GNA14: variants seen among roughly 807,000 people sequenced by gnomAD.
GNA14 encodes guanine nucleotide-binding protein subunit alpha-14.
In GNA14, 50 loss-of-function variants were observed where a neutral mutation model predicts 42.0. The ratio of observed to expected loss-of-function variants is 1.19; its 90% confidence interval spans 0.95 to 1.51. The LOEUF (loss-of-function observed/expected upper bound fraction) is 1.51, where lower values mean the gene tolerates loss of function less well. Among genes scored for constraint, GNA14 ranks in the 40% most tolerant of loss-of-function variants. The probability of loss-of-function intolerance (pLI) is 0.00; values close to 1 mark genes in which losing one functional copy is unlikely to be tolerated. For missense variants in GNA14, 473 were observed against 446.2 expected (o/e 1.06, Z -0.54); for synonymous variants, 173 against 163.1 (o/e 1.06, Z -0.46).
intron 1 of GNA14, among the ~76,000 whole-genome samples, chr9:77,627,232 C>G (rs1824025431): frequency 6.6e-6 from 1 of 152,036 alleles, no homozygotes; most frequent in Admixed American, 6.5e-5. Flanking sequence ...GAAATTGAGG[C>G]AGTAATTAAT....
intron 2 of GNA14, among the ~76,000 whole-genome samples, chr9:77,494,092 T>C (rs1217729777): frequency 6.6e-6 from 1 of 152,144 alleles, no homozygotes; most frequent in African/African-American, 2.4e-5. Context: ...GGCTAATTTT[T>C]TTTAATCTTT....
At chr9:77,624,448 G>T (rs1823982260) in intron 1 of GNA14, among the ~76,000 whole-genome samples, 1 of 152,186 alleles carries the variant, frequency 6.6e-6, no homozygotes, top group Non-Finnish European at 1.5e-5. Flanking sequence ...CCTCAAGTGG[G>T]TCCCTGACTC....
chr9:77,623,765 G>T (rs753858800), intron 1 of GNA14, among the ~76,000 whole-genome samples: 1 of 152,180 alleles, frequency 6.6e-6, no homozygotes, highest in Non-Finnish European at 1.5e-5. Flanking sequence ...GACGGTCTTC[G>T]GAACCCGCAG....
chr9:77,641,821 C>T lies in GNA14; in HGVS notation c.124+5849G>A, dbSNP rs537159175. ...ATTGCATCAAAGTGAAATGTACAGACCTTTCATAAGTGTACTGCGCTTATG... is the reference window on the plus strand; with the variant it reads ...ATTGCATCAAAGTGAAATGTACAGATCTTTCATAAGTGTACTGCGCTTATG... On this transcript the variant is annotated intron_variant, in intron 1 of 6. Coordinates refer to ENST00000341700, the MANE Select transcript of GNA14 (RefSeq NM_004297.4). Among the ~76,000 whole-genome samples the T allele has an allele frequency of 1.9e-4, 29 of 152,138 alleles. 1 individual carries two copies. Among genetic ancestry groups the T allele is most frequent in the Admixed American group, 1.6e-3 (25 of 15,278 alleles).
intron 2 of GNA14, among the ~76,000 whole-genome samples, chr9:77,493,974 G>A (rs1327712446): frequency 1.3e-5 from 2 of 152,180 alleles, no homozygotes; most frequent in African/African-American, 2.4e-5. Context: ...AGGCTGAAGT[G>A]CAGTGGCACA....
intron 2 of GNA14, among the ~76,000 whole-genome samples, chr9:77,509,117 G>A (rs150729517): frequency 1.6e-3 from 244 of 152,046 alleles, no homozygotes; most frequent in African/African-American, 5.5e-3. Context: ...CCCTCCCCAC[G>A]CTCAGTCCCT....
intron 1 of GNA14, among the ~76,000 whole-genome samples, chr9:77,602,404 G>A (rs1419304086): frequency 6.6e-6 from 1 of 152,140 alleles, no homozygotes; most frequent in Non-Finnish European, 1.5e-5. Flanking sequence ...ACTACCAATG[G>A]GTTTCAATGA....
At chr9:77,461,530 C>A (rs1836105636) in intron 2 of GNA14, among the ~76,000 whole-genome samples, 1 of 152,106 alleles carries the variant, frequency 6.6e-6, no homozygotes, top group South Asian at 2.1e-4. Context: ...ATTTTTTATT[C>A]CAAACTCATT....
intron 1 of GNA14, among the ~76,000 whole-genome samples, chr9:77,583,238 G>C (rs983908558): frequency 6.6e-6 from 1 of 152,146 alleles, no homozygotes; most frequent in Non-Finnish European, 1.5e-5. Flanking sequence ...GACTGAGTTC[G>C]GATATAAGGG....
chr9:77,516,951 A>G (rs1837268566), intron 2 of GNA14, among the ~76,000 whole-genome samples: 1 of 152,212 alleles, frequency 6.6e-6, no homozygotes, highest in Admixed American at 6.5e-5. Context: ...CCCTTAACAC[A>G]GAGCCCACTG....
chr9:77,539,439 G>A (rs1837633516), intron 1 of GNA14, among the ~76,000 whole-genome samples: 1 of 152,194 alleles, frequency 6.6e-6, no homozygotes, highest in Non-Finnish European at 1.5e-5. Flanking sequence ...TTGCACCTAT[G>A]TTCATCAGGG....
At chr9:77,511,981 C>T (rs1176292398) in intron 2 of GNA14, among the ~76,000 whole-genome samples, 2 of 152,158 alleles carry the variant, frequency 1.3e-5, no homozygotes, top group African/African-American at 2.4e-5. Flanking sequence ...CCATGGGCTC[C>T]GTATTGGCTG....
At chr9:77,536,282 G>C (rs1440047822) in intron 1 of GNA14, among the ~76,000 whole-genome samples, 1 of 152,154 alleles carries the variant, frequency 6.6e-6, no homozygotes, top group African/African-American at 2.4e-5. Context: ...CACAGTTTAA[G>C]ATTAAAAAAC....
chr9:77,564,086 G>T (rs1243074151), intron 1 of GNA14, among the ~76,000 whole-genome samples: 1 of 152,096 alleles, frequency 6.6e-6, no homozygotes, highest in Non-Finnish European at 1.5e-5. Flanking sequence ...ACTCTCACCA[G>T]ATAATATGCC....
intron 1 of GNA14, among the ~76,000 whole-genome samples, chr9:77,562,989 T>C (rs1242872707): frequency 2.0e-5 from 3 of 152,162 alleles, no homozygotes; most frequent in Non-Finnish European, 4.4e-5. Context: ...TTTCTCAATT[T>C]CTGGGAGCAA....
chr9:77,425,446 AGAGGCTATTGCAGGCAGACCAGG>A, intron 6 of GNA14, 93 bp downstream of exon 6: 1 of 666,100 alleles, frequency 1.5e-6, no homozygotes, highest in South Asian at 2.0e-5. Flanking sequence ...GAATAGGGGG[AGAGGCTATTGCAGGCAGACCAGG>A]GAGGCCCCTT....
intron 1 of GNA14, among the ~76,000 whole-genome samples, chr9:77,589,427 G>C (rs781545897): frequency 2.0e-5 from 3 of 152,048 alleles, no homozygotes; most frequent in Non-Finnish European, 2.9e-5. Context: ...GTTTGTTTTT[G>C]GAAGTCATGG....
At chr9:77,492,538 C>T (rs1477505884) in intron 2 of GNA14, among the ~76,000 whole-genome samples, 2 of 152,078 alleles carry the variant, frequency 1.3e-5, no homozygotes, top group Non-Finnish European at 2.9e-5. Context: ...CAAACAGCTA[C>T]ACTCCAACAA....
intron 1 of GNA14, among the ~76,000 whole-genome samples, chr9:77,591,733 C>T (rs1032972051): frequency 8.5e-5 from 13 of 152,134 alleles, no homozygotes; most frequent in Non-Finnish European, 2.9e-5. Flanking sequence ...CCACTCCCTG[C>T]TCAAAAACCT....
Sources: gnomAD v4.1 joint callset for allele counts (sites outside exome capture counted in the v4.1 genomes callset) on GRCh38, gnomAD v4.1.1 for gene constraint, MANE v1.5 for transcripts, NCBI Gene and HGNC (gene_info 2026-07-23, HGNC 2026-07-21) for gene names.